HPS3: variants seen among roughly 807,000 people sequenced by gnomAD.
HPS3 encodes the protein HPS3 biogenesis of lysosomal organelles complex 2 subunit 1.
Under a neutral mutation model 110.9 loss-of-function variants are expected in HPS3, and 79 were observed. The observed-to-expected ratio is 0.71, with a 90% CI of 0.59 to 0.86. The LOEUF (loss-of-function observed/expected upper bound fraction) is 0.86. Among genes scored for constraint, HPS3 ranks in the 40% least tolerant of loss-of-function variants. The pLI is 0.00. For synonymous variants in HPS3, 428 were observed against 451.0 expected (o/e 0.95, Z 0.65); for missense variants, 1,197 against 1,206.2 (o/e 0.99, Z 0.11).
In HPS3 at chr3:149,140,089, C is replaced by T. The variant is rs770266420; in HGVS notation, c.303C>T (p.Asn101=). The change falls in exon 2 of 17, where the codon AAC becomes AAT. Residue 101 remains asparagine (N), a synonymous_variant. Coordinates refer to ENST00000296051, the MANE Select transcript of HPS3 (RefSeq NM_032383.5). ...YVNWRNKRTE[N]SRVCIRMIGH... is the part of the protein sequence containing the mutation. ...ACTGGAGAAATAAAAGGACTGAAAA[C>T]TCTCGTGTGTGTATCCGAATGATTG... 2 of 1,612,878 alleles carry T rather than the reference C, an allele frequency of 1.2e-6. No homozygotes were observed. The highest frequency in any genetic ancestry group is 1.3e-5 in the African/African-American group (1 of 74,908).
chr3:149,131,273 G>T (rs887506450), intron 1 of HPS3, among the ~76,000 whole-genome samples: 1 of 151,546 alleles, frequency 6.6e-6, no homozygotes. Flanking sequence ...GGCATACCTT[G>T]TTTTTTTTGC....
At chr3:149,133,529 C>T (rs1282311341) in intron 1 of HPS3, among the ~76,000 whole-genome samples, 1 of 152,076 alleles carries the variant, frequency 6.6e-6, no homozygotes, top group Non-Finnish European at 1.5e-5. Context: ...AAACTCCCGA[C>T]CTCAGGTGAT....
At chr3:149,145,806 G>T (rs556174507) in intron 5 of HPS3, among the ~76,000 whole-genome samples, 10 of 152,326 alleles carry the variant, frequency 6.6e-5, no homozygotes, top group African/African-American at 1.9e-4. Context: ...CATAAAGGAA[G>T]ACTTTCATAG....
intron 11 of HPS3, among the ~76,000 whole-genome samples, chr3:149,161,730 G>A (rs1001839573): frequency 4.0e-5 from 6 of 151,858 alleles, no homozygotes; most frequent in South Asian, 2.1e-4. Context: ...GGCTGGTCTC[G>A]AACTCCTGAC....
chr3:149,155,210 G>T lies in HPS3; in HGVS notation c.1504G>T (p.Glu502Ter). 5 of 1,466,302 alleles carry T rather than the reference G, an allele frequency of 3.4e-6. No homozygotes were observed. Among genetic ancestry groups the T allele is most frequent in the Non-Finnish European group, 4.8e-6 (5 of 1,045,830 alleles). The allele number at this position is 1,466,302 out of a possible 1,614,324, so 90.8% of individuals were successfully genotyped here. The change falls in exon 8 of 17, where the codon GAG (glutamate) becomes TAG (stop). Residue 502 changes from glutamate to a stop codon, truncating the protein, a stop_gained. Coordinates refer to ENST00000296051, the MANE Select transcript of HPS3 (RefSeq NM_032383.5). LOFTEE classifies it high-confidence loss of function. ...GATCTCACCAGTGCAGCTGTACAAA[G>T]AGATGGTACTCTTTTCAAACTTCTG... ...NTISPVQLYK[E>*]MVDYSNTYKT...
At chr3:149,131,141 C>A (rs6440586) in intron 1 of HPS3, among the ~76,000 whole-genome samples, 37,039 of 123,226 alleles carry the variant, frequency 0.3, 4,893 homozygotes, top group African/African-American at 0.38. Context: ...AAAAAAAAAA[C>A]AAAAAGTTGA....
Position 149,168,592 on chromosome 3 carries a change from T to A in HPS3, c.2887+609T>A, listed in dbSNP as rs1724666090. 2.0e-5 allele frequency: 3 copies of A among 152,358 alleles called. 1 individual carries two copies. The South Asian group carries it at 6.2e-4, about 32-fold the overall frequency. The allele number at this position is 152,358 out of a possible 1,614,324, so 9.4% of individuals were successfully genotyped here. A position where few individuals can be genotyped will look rare whatever the true frequency, so the allele number is the denominator to read the frequency against. ...CATAAAATATTAGAAATTGACAGTG[T>A]TGAAATTGTGTTTTCCAGCCAAGAC... On this transcript the variant is annotated intron_variant, in intron 16 of 16. Transcript: ENST00000296051.
At chr3:149,130,133 A>G in intron 1 of HPS3, 193 bp downstream of exon 1, 2 of 609,170 alleles carry the variant, frequency 3.3e-6, no homozygotes, top group Non-Finnish European at 2.9e-6. Flanking sequence ...CGCGGCAAGC[A>G]TAGGTATGAG....
chr3:149,148,942 A>G (rs1424023079), intron 5 of HPS3, among the ~76,000 whole-genome samples: 2 of 137,706 alleles, frequency 1.5e-5, no homozygotes, highest in African/African-American at 5.5e-5. Context: ...AAGTCAGGGA[A>G]CCCTGCCTTT....
At position 149,171,957 on chromosome 3, in the gene HPS3, G is replaced by A. The variant is rs536960432; in HGVS notation, c.2888-138G>A. The A allele has an allele frequency of 1.2e-4, 82 of 671,248 alleles. 1 individual carries two copies. The Middle Eastern group carries it at 3.1e-3, about 25-fold the overall frequency. 41.6% of individuals were successfully genotyped at this position (671,248 alleles called of 1,614,324 possible). A position where few individuals can be genotyped will look rare whatever the true frequency, so the allele number is the denominator to read the frequency against. ...CCTGACCTCGTGATCTGCCCACCTC[G>A]GCCTCCCAAAGTGCTGGGATTACAG... On this transcript the variant is annotated intron_variant, in intron 16 of 16. Coordinates refer to ENST00000296051, the MANE Select transcript of HPS3 (RefSeq NM_032383.5).
At chr3:149,159,725 A>T (rs1723671101) in intron 10 of HPS3, among the ~76,000 whole-genome samples, 1 of 152,220 alleles carries the variant, frequency 6.6e-6, no homozygotes, top group Non-Finnish European at 1.5e-5. Flanking sequence ...AGTAGTTTTT[A>T]TGATGGATTT....
At position 149,141,334 on chromosome 3, in the gene HPS3, T is replaced by C; in HGVS notation, c.924T>C (p.Asp308=). The C allele has an allele frequency of 6.2e-7, 1 of 1,614,040 alleles. No individual in the cohort carries two copies. Among genetic ancestry groups the C allele is most frequent in the Non-Finnish European group, 8.5e-7 (1 of 1,179,970 alleles). Reference sequence around the variant, plus strand: ...ATATTTCGTCCTATGTCTTGTCTGATGACATCAAGCTACATTCCCTCCAGC... The same window carrying C: ...ATATTTCGTCCTATGTCTTGTCTGACGACATCAAGCTACATTCCCTCCAGC... ...APDISSYVLS[D]DIKLHSLQLL... The change falls in exon 4 of 17, where the codon GAT becomes GAC. Residue 308 remains aspartate (D), a synonymous_variant. Transcript: ENST00000296051.
chr3:149,144,039 TA>T (rs1722639420), intron 4 of HPS3, among the ~76,000 whole-genome samples: 1 of 152,188 alleles, frequency 6.6e-6, no homozygotes, highest in Admixed American at 6.5e-5. Context: ...CATATGTCTC[TA>T]AAAGTATTCT....
intron 5 of HPS3, among the ~76,000 whole-genome samples, chr3:149,147,330 A>G (rs539223464): frequency 1.3e-4 from 19 of 151,806 alleles, no homozygotes; most frequent in Admixed American, 5.3e-4. Context: ...ACTACCGCCA[A>G]AAAAAAAGTT....
rs762991548 is a variant in HPS3, at chr3:149,141,162, T to C, written c.858T>C (p.Tyr286=). 1.9e-5 allele frequency: 31 copies of C among 1,611,958 alleles called. No homozygotes were observed. Among genetic ancestry groups the C allele is most frequent in the Non-Finnish European group, 2.6e-5 (31 of 1,179,216 alleles). ...GATTAGCTGATGAAAAAAGAAAATA[T>C]TCCCACTTTCAGCACCTGCTCTATA... is the stretch of plus-strand genomic sequence containing the variant. ...STGLADEKRK[Y]SHFQHLLYRR... Residue 286 remains tyrosine, a synonymous_variant, in exon 3 of 17, where the codon TAT becomes TAC. Coordinates refer to ENST00000296051, the MANE Select transcript of HPS3 (RefSeq NM_032383.5).
intron 2 of HPS3, among the ~76,000 whole-genome samples, 166 bp downstream of exon 2, chr3:149,140,664 A>G (rs1255454780): frequency 6.6e-6 from 1 of 152,122 alleles, no homozygotes; most frequent in Non-Finnish European, 1.5e-5. Flanking sequence ...TCCATAGCTT[A>G]CTCTGTAGCA....
rs1223416172 is a variant in HPS3 at position 149,162,564 on chromosome 3, G to C, written c.2293-126G>C. 4 of 1,131,420 alleles carry C rather than the reference G, an allele frequency of 3.5e-6. No homozygotes were observed. The South Asian group carries it at 5.1e-5, about 14-fold the overall frequency. 70.1% of individuals were successfully genotyped at this position (1,131,420 alleles called of 1,614,324 possible). A position where few individuals can be genotyped will look rare whatever the true frequency, so the allele number is the denominator to read the frequency against. ...AAATGTCTAAATTTGCTTTTGCCATGGCGCTAATGCTAATGGTAAATTATT... is the reference window on the plus strand; with the variant it reads ...AAATGTCTAAATTTGCTTTTGCCATCGCGCTAATGCTAATGGTAAATTATT... On this transcript the variant is annotated intron_variant, in intron 12 of 16. Transcript: ENST00000296051.
intron 4 of HPS3, 100 bp from the exon 5 acceptor site, chr3:149,145,254 T>G: frequency 1.1e-6 from 1 of 878,944 alleles, no homozygotes; most frequent in South Asian, 1.4e-5. Flanking sequence ...ACTCTTTGGT[T>G]ACCCACTGAT....
rs1476066527 is a variant in HPS3, at chr3:149,167,242, T to A, written c.2796+2T>A. The A allele has an allele frequency of 8.7e-6, 14 of 1,608,948 alleles. No individual in the cohort carries two copies. The highest frequency in any genetic ancestry group is 1.2e-5 in the Non-Finnish European group (14 of 1,176,748). ...CATGAACTGAAAGAAGAGAACCGGG[T>A]ATGCTTTTTCAGATTATGTTTTTAG... On this transcript the variant is annotated splice_donor_variant, in intron 15 of 16. Coordinates refer to ENST00000296051, the MANE Select transcript of HPS3 (RefSeq NM_032383.5). LOFTEE classifies it high-confidence loss of function.
Sources: gnomAD v4.1 joint callset for allele counts (sites outside exome capture counted in the v4.1 genomes callset) on GRCh38, gnomAD v4.1.1 for gene constraint, MANE v1.5 for transcripts, NCBI Gene and HGNC (gene_info 2026-07-23, HGNC 2026-07-21) for gene names.